The following DPP10 variants were observed in gnomAD, a reference collection of about 807,000 sequenced individuals.
DPP10 encodes the protein inactive dipeptidyl peptidase 10.
Under a neutral mutation model 120.9 loss-of-function variants are expected in DPP10, and 33 were observed. That is an observed-to-expected ratio of 0.27 (90% CI 0.21 to 0.37). DPP10 has a LOEUF of 0.37. DPP10 is among the 10% of genes least tolerant of loss of function. The probability of loss-of-function intolerance (pLI) is 1.00; values close to 1 mark genes in which losing one functional copy is unlikely to be tolerated. For synonymous variants in DPP10, 337 were observed against 326.1 expected, an observed-to-expected ratio of 1.03 and a Z score of -0.36; for missense variants, 816 against 942.8, an observed-to-expected ratio of 0.87 and a Z score of 1.76.
chr2:115,810,437 A>G (rs1686512237), intron 19 of DPP10, among the ~76,000 whole-genome samples: 1 of 152,158 alleles, frequency 6.6e-6, no homozygotes, highest in Non-Finnish European at 1.5e-5. Flanking sequence ...GGTATAAATG[A>G]TGTTTTTTAT....
chr2:114,728,175 A>T (rs1676530524), intron 1 of DPP10, among the ~76,000 whole-genome samples: 1 of 152,212 alleles, frequency 6.6e-6, no homozygotes, highest in Admixed American at 6.5e-5. Context: ...CCACTAAGGT[A>T]GAAGGGTGAT....
In DPP10 at chr2:115,840,790, C is replaced by T; in HGVS notation, c.2223C>T (p.His741=). ...AACACTCAGCAGAATTAATCAAGCA[C>T]CTAATAAAAGCTGGAGTGAATTATA... is the stretch of plus-strand genomic sequence containing the variant. ...HFQHSAELIK[H]LIKAGVNYTM... is the part of the protein sequence containing the mutation. Residue 741 remains histidine, a synonymous_variant, in exon 25 of 26, where the codon CAC becomes CAT. Coordinates refer to ENST00000410059, the MANE Select transcript of DPP10 (RefSeq NM_020868.6). 6.2e-7 allele frequency: 1 copy of T among 1,613,632 alleles called. No individual in the cohort carries two copies. The highest frequency in any genetic ancestry group is 8.5e-7 in the Non-Finnish European group (1 of 1,179,794).
intron 5 of DPP10, among the ~76,000 whole-genome samples, chr2:115,536,121 A>G (rs72826456): frequency 1.3e-5 from 2 of 152,040 alleles, no homozygotes; most frequent in African/African-American, 4.8e-5. Context: ...TACACACACA[A>G]AAAAAGAAGA....
chr2:114,565,097 T>G (rs1689095144), intron 1 of DPP10, among the ~76,000 whole-genome samples: 1 of 152,192 alleles, frequency 6.6e-6, no homozygotes, highest in Admixed American at 6.5e-5. Flanking sequence ...GGCCTCGTGA[T>G]GGAGGTTATA....
intron 1 of DPP10, among the ~76,000 whole-genome samples, chr2:114,998,265 C>A (rs868596640): frequency 9.2e-5 from 14 of 152,002 alleles, no homozygotes; most frequent in Non-Finnish European, 2.1e-4. Context: ...CTCGGACTTC[C>A]AAAATAAATT....
intron 1 of DPP10, among the ~76,000 whole-genome samples, chr2:114,584,164 G>A (rs1037996012): frequency 8.5e-5 from 13 of 152,212 alleles, no homozygotes; most frequent in East Asian, 5.8e-4. Context: ...ACCCTTTTGC[G>A]TGTTACTTTA....
rs114127084 is a variant in DPP10, at chr2:115,014,342, A to T, written c.61-294897A>T. On this transcript the variant is annotated intron_variant, in intron 1 of 25. Transcript: ENST00000410059. Reference sequence around the variant, plus strand: ...GCAGAATCTCTGGGACAAAGCTAAAACATAGTTTAGAGGGAAATTTACAGC... The same window carrying T: ...GCAGAATCTCTGGGACAAAGCTAAATCATAGTTTAGAGGGAAATTTACAGC... Among the ~76,000 whole-genome samples the T allele has an allele frequency of 4.0e-3, 608 of 152,252 alleles. 3 individuals carry two copies. The highest frequency in any genetic ancestry group is 6.8e-3 in the Middle Eastern group (2 of 294).
intron 1 of DPP10, among the ~76,000 whole-genome samples, chr2:115,078,798 T>C (rs571199192): frequency 1.1e-5 from 1 of 88,904 alleles, no homozygotes; most frequent in South Asian, 5.9e-4. Context: ...ATTAAAGACA[T>C]ATTTAAGTAT....
chr2:115,170,151 C>T (rs191102282), intron 1 of DPP10, among the ~76,000 whole-genome samples: 18 of 152,146 alleles, frequency 1.2e-4, no homozygotes, highest in Admixed American at 5.2e-4. Flanking sequence ...TTACTTTTGG[C>T]AAGAGTTGAG....
intron 1 of DPP10, among the ~76,000 whole-genome samples, chr2:114,966,977 G>A (rs12987633): frequency 0.27 from 40,361 of 151,922 alleles, 5,403 homozygotes; most frequent in East Asian, 0.34. Context: ...GGGAGGCGGA[G>A]GTTGCAGTGA....
At chr2:114,695,279 GAAAT>G (rs1365842894) in intron 1 of DPP10, among the ~76,000 whole-genome samples, 5 of 151,986 alleles carry the variant, frequency 3.3e-5, no homozygotes, top group Non-Finnish European at 7.4e-5. Flanking sequence ...AATGGAATGT[GAAAT>G]AGAGAGAAGT....
intron 1 of DPP10, among the ~76,000 whole-genome samples, chr2:114,946,071 A>G (rs1697325616): frequency 6.6e-6 from 1 of 152,218 alleles, no homozygotes; most frequent in African/African-American, 2.4e-5. Context: ...GTCAGCCAAG[A>G]AGAACCTGAA....
intron 7 of DPP10, among the ~76,000 whole-genome samples, chr2:115,691,310 A>G (rs902436390): frequency 6.6e-6 from 1 of 152,162 alleles, no homozygotes. Context: ...AATCTTTACA[A>G]TGAAATCATA....
chr2:115,072,009 C>A (rs1707406512), intron 1 of DPP10, among the ~76,000 whole-genome samples: 1 of 151,932 alleles, frequency 6.6e-6, no homozygotes, highest in Non-Finnish European at 1.5e-5. Context: ...TTTCAGCCCA[C>A]AGTTGAGGTA....
chr2:115,022,905 C>A (rs1364268421), intron 1 of DPP10, among the ~76,000 whole-genome samples: 1 of 152,054 alleles, frequency 6.6e-6, no homozygotes, highest in East Asian at 1.9e-4. Context: ...GGGGAAAGGA[C>A]ACTCCATTCA....
At chr2:115,756,813 C>T (rs77368760) in intron 11 of DPP10, among the ~76,000 whole-genome samples, 3 of 151,888 alleles carry the variant, frequency 2.0e-5, no homozygotes, top group East Asian at 1.9e-4. Flanking sequence ...AATTCAAGAT[C>T]GAGAGGTTGG....
chr2:115,329,764 ACTC>A (rs2062595347), intron 2 of DPP10, among the ~76,000 whole-genome samples: 1 of 151,976 alleles, frequency 6.6e-6, no homozygotes, highest in South Asian at 2.1e-4. Context: ...AAGGATATGA[ACTC>A]ATCCTTTTTT....
intron 5 of DPP10, among the ~76,000 whole-genome samples, chr2:115,540,978 T>C (rs1334957077): frequency 2.0e-5 from 3 of 151,876 alleles, no homozygotes; most frequent in Non-Finnish European, 4.4e-5. Flanking sequence ...TTACTCTCCC[T>C]CATAATTTCT....
intron 5 of DPP10, among the ~76,000 whole-genome samples, chr2:115,532,162 G>A (rs1333652823): frequency 2.0e-5 from 3 of 151,986 alleles, no homozygotes; most frequent in Non-Finnish European, 2.9e-5. Context: ...ATTTAAGAGG[G>A]CACAAACATT....
Sources: gnomAD v4.1 joint callset for allele counts (sites outside exome capture counted in the v4.1 genomes callset) on GRCh38, gnomAD v4.1.1 for gene constraint, MANE v1.5 for transcripts, NCBI Gene and HGNC (gene_info 2026-07-23, HGNC 2026-07-21) for gene names.